NRXN1: variants seen among roughly 807,000 people sequenced by gnomAD.
The protein encoded by NRXN1 is neurexin 1, also known as neurexin-1.
A neutral mutation model predicts 150.9 loss-of-function variants in NRXN1; 39 were observed. That is an observed-to-expected ratio of 0.26 (90% CI 0.20 to 0.34). The LOEUF (loss-of-function observed/expected upper bound fraction) is 0.34. Ranked by LOEUF, NRXN1 falls within the 10% of genes least tolerant of loss-of-function variation. The pLI, the probability that NRXN1 is intolerant of heterozygous loss-of-function variation, is 1.00. For missense variants in NRXN1, 1,815 were observed against 1,949.9 expected (o/e 0.93, Z 1.30); for synonymous variants, 924 against 757.0 (o/e 1.22, Z -3.62).
At chr2:50,239,538 G>C (rs1386022844) in intron 17 of NRXN1, among the ~76,000 whole-genome samples, 2 of 148,832 alleles carry the variant, frequency 1.3e-5, no homozygotes, top group Non-Finnish European at 3.0e-5. Flanking sequence ...GGAACATAGG[G>C]CAGACATTAC....
At chr2:50,142,886 C>T (rs565883102) in intron 18 of NRXN1, among the ~76,000 whole-genome samples, 9 of 151,938 alleles carry the variant, frequency 5.9e-5, no homozygotes, top group African/African-American at 2.2e-4. Flanking sequence ...AGGCATAGAA[C>T]CTACAAAGAA....
intron 18 of NRXN1, among the ~76,000 whole-genome samples, chr2:50,119,139 C>G (rs571593727): frequency 6.6e-6 from 1 of 152,106 alleles, no homozygotes; most frequent in African/African-American, 2.4e-5. Flanking sequence ...AATTAACATA[C>G]GGGAATTTAA....
At chr2:50,967,506 G>C (rs907184067) in intron 2 of NRXN1, among the ~76,000 whole-genome samples, 2 of 151,920 alleles carry the variant, frequency 1.3e-5, no homozygotes, top group African/African-American at 4.8e-5. Context: ...AGTCTTTTAA[G>C]GAAGTATGGG....
intron 15 of NRXN1, among the ~76,000 whole-genome samples, chr2:50,491,269 G>T (rs907634938): frequency 6.6e-6 from 1 of 152,162 alleles, no homozygotes; most frequent in Non-Finnish European, 1.5e-5. Context: ...AAATGGAGGG[G>T]ATATGTGTTA....
chr2:50,780,651 T>C (rs913810426), intron 5 of NRXN1, among the ~76,000 whole-genome samples: 11 of 152,212 alleles, frequency 7.2e-5, no homozygotes, highest in African/African-American at 7.2e-5. Context: ...TCTACTCATG[T>C]TCTTTTTAAT....
At chr2:50,037,098 GT>G (rs1189937087) in intron 21 of NRXN1, among the ~76,000 whole-genome samples, 4 of 152,036 alleles carry the variant, frequency 2.6e-5, no homozygotes, top group Non-Finnish European at 5.9e-5. Flanking sequence ...AAGACAAAAT[GT>G]ATTTTAATCC....
intron 18 of NRXN1, among the ~76,000 whole-genome samples, chr2:50,177,799 CTCTCTCTCT>C (rs1192321694): frequency 1.3e-5 from 2 of 151,184 alleles, no homozygotes; most frequent in African/African-American, 4.9e-5. Context: ...CTCTCTCTCT[CTCTCTCTCT>C]CTCCTCCTCT....
In NRXN1 at chr2:49,922,246, G is replaced by T; in HGVS notation, c.4222C>A (p.Pro1408Thr). 1 of 1,613,184 alleles carries T rather than the reference G, an allele frequency of 6.2e-7. No homozygotes were observed. Among genetic ancestry groups the T allele is most frequent in the Non-Finnish European group, 8.5e-7 (1 of 1,179,478 alleles). ...CEPSSGGLAN[P>T]TRAGGREPYP... ...GGCTCTCTGCCGCCTGCTCGGGTTG[G>T]GTTGGCTATAGAAAAGAGGATGAGA... Residue 1408 changes from proline to threonine, a missense_variant, in exon 23 of 23, where the codon CCA becomes ACA. This residue lies in a region of NRXN1 where 265 missense variants were observed against 307.1 expected (regional missense o/e 0.86). Coordinates refer to ENST00000401669, the MANE Select transcript of NRXN1 (RefSeq NM_001330078.2).
At chr2:50,641,661 A>G (rs921752785) in intron 5 of NRXN1, among the ~76,000 whole-genome samples, 22 of 152,192 alleles carry the variant, frequency 1.4e-4, no homozygotes, top group African/African-American at 5.1e-4. Context: ...GGCATCTCTT[A>G]GGGCAAAGCG....
intron 17 of NRXN1, among the ~76,000 whole-genome samples, chr2:50,359,041 A>C (rs956650778): frequency 6.6e-6 from 1 of 152,184 alleles, no homozygotes; most frequent in African/African-American, 2.4e-5. Flanking sequence ...AAACTAACAA[A>C]CAGAAAGCAA....
At chr2:50,002,748 T>C (rs1347286133) in intron 21 of NRXN1, among the ~76,000 whole-genome samples, 2 of 152,218 alleles carry the variant, frequency 1.3e-5, no homozygotes, top group Non-Finnish European at 2.9e-5. Flanking sequence ...GGGATCTGTG[T>C]ACAAGTTTAA....
intron 17 of NRXN1, among the ~76,000 whole-genome samples, chr2:50,428,666 T>A (rs1175785962): frequency 6.6e-6 from 1 of 152,220 alleles, no homozygotes; most frequent in Non-Finnish European, 1.5e-5. Flanking sequence ...GCTAACTGTC[T>A]AATCTGGATT....
chr2:50,438,411 G>A (rs1014900816), intron 17 of NRXN1, among the ~76,000 whole-genome samples: 4 of 151,670 alleles, frequency 2.6e-5, no homozygotes, highest in Admixed American at 6.6e-5. Context: ...AATAGGCCCT[G>A]GGAAAACCTT....
At chr2:50,509,276 G>A (rs900707761) in intron 12 of NRXN1, among the ~76,000 whole-genome samples, 1 of 152,192 alleles carries the variant, frequency 6.6e-6, no homozygotes, top group Non-Finnish European at 1.5e-5. Context: ...TTGGAACAAA[G>A]GAGATGGAAA....
intron 8 of NRXN1, among the ~76,000 whole-genome samples, chr2:50,611,171 C>T (rs2104087094): frequency 6.6e-6 from 1 of 152,002 alleles, no homozygotes; most frequent in African/African-American, 2.4e-5. Flanking sequence ...AATGTTCAGT[C>T]TCAGACATTG....
chr2:50,600,052 T>A (rs1449187197), intron 8 of NRXN1, among the ~76,000 whole-genome samples: 1 of 152,030 alleles, frequency 6.6e-6, no homozygotes, highest in East Asian at 1.9e-4. Flanking sequence ...AAAAATAATA[T>A]TTTAGAAGAG....
intron 5 of NRXN1, among the ~76,000 whole-genome samples, chr2:50,792,915 G>C (rs1169363335): frequency 2.0e-5 from 3 of 152,064 alleles, no homozygotes; most frequent in Non-Finnish European, 4.4e-5. Flanking sequence ...GAAGAATTGA[G>C]ATTTGAGCAC....
intron 2 of NRXN1, among the ~76,000 whole-genome samples, chr2:50,961,643 T>C (rs1032145058): frequency 2.0e-5 from 3 of 151,820 alleles, no homozygotes; most frequent in African/African-American, 4.8e-5. Flanking sequence ...GCTAAGCTAT[T>C]TGGAGAAAAA....
intron 5 of NRXN1, among the ~76,000 whole-genome samples, chr2:50,874,371 C>G (rs1170997100): frequency 6.6e-6 from 1 of 151,712 alleles, no homozygotes. Flanking sequence ...TCCTGACAAC[C>G]ACACTGTTTT....
Sources: allele counts gnomAD v4.1 joint callset (sites outside exome capture counted in the v4.1 genomes callset), GRCh38; gene constraint gnomAD v4.1.1; regional missense constraint gnomAD v4.1.1; transcripts MANE v1.5; gene names NCBI Gene and HGNC (gene_info 2026-07-23, HGNC 2026-07-21).